The following DIAPH1 variants were observed in gnomAD, a reference collection of about 807,000 sequenced individuals.
DIAPH1 encodes the protein diaphanous related formin 1.
A neutral mutation model predicts 140.7 loss-of-function variants in DIAPH1; 46 were observed. The ratio of observed to expected loss-of-function variants is 0.33; its 90% CI spans 0.26 to 0.42. The LOEUF (loss-of-function observed/expected upper bound fraction) is 0.42. Among genes scored for constraint, DIAPH1 ranks in the 10% least tolerant of loss-of-function variants. The pLI is 1.00. For synonymous variants in DIAPH1, 565 were observed against 551.6 expected, an observed-to-expected ratio of 1.02 and a Z score of -0.34; for missense variants, 1,310 against 1,558.7, an observed-to-expected ratio of 0.84 and a Z score of 2.69.
intron 27 of DIAPH1, among the ~76,000 whole-genome samples, chr5:141,517,641 C>T (rs1259535551): frequency 1.3e-5 from 2 of 151,792 alleles, no homozygotes; most frequent in African/African-American, 4.8e-5. Context: ...TGCCAAGGGC[C>T]CTACAAGGTG....
chr5:141,556,986 C>A (rs991683725), intron 18 of DIAPH1, among the ~76,000 whole-genome samples: 1 of 152,100 alleles, frequency 6.6e-6, no homozygotes, highest in African/African-American at 2.4e-5. Context: ...TGAGTCACCG[C>A]GCCTGGCAGA....
rs944612985 is a variant in DIAPH1, at chr5:141,565,760, A to G, written c.2482+5668T>C. ...GCTTCAAATATGAGTGCCTGGCAGT[A>G]TCAAGGGCCAAGCAACTTCACAAAT... On this transcript the variant is annotated intron_variant, in intron 18 of 27. Coordinates refer to ENST00000389054, the MANE Select transcript of DIAPH1 (RefSeq NM_005219.5). This position sits in a 1 kb window ranked among gnomAD's most constrained non-coding sequence, Gnocchi z 4.3. Among the ~76,000 whole-genome samples, 1 of 152,218 alleles carries G rather than the reference A, an allele frequency of 6.6e-6. No homozygotes were observed. Among genetic ancestry groups the G allele is most frequent in the Non-Finnish European group, 1.5e-5 (1 of 68,048 alleles).
chr5:141,561,160 A>AAC (rs2099893468), intron 18 of DIAPH1, among the ~76,000 whole-genome samples: 1 of 152,166 alleles, frequency 6.6e-6, no homozygotes, highest in Admixed American at 6.5e-5. Flanking sequence ...AAGAAATGCA[A>AAC]ACACACACAC....
intron 12 of DIAPH1, among the ~76,000 whole-genome samples, chr5:141,577,149 A>C (rs1460460264): frequency 6.6e-6 from 1 of 152,200 alleles, no homozygotes; most frequent in East Asian, 1.9e-4. Context: ...TGTGATGGAT[A>C]GTGCTATTGC....
intron 24 of DIAPH1, 66 bp downstream of exon 24, chr5:141,527,507 T>A: frequency 6.4e-7 from 1 of 1,571,130 alleles, no homozygotes; most frequent in Non-Finnish European, 8.7e-7. Flanking sequence ...ATCCTGTTTT[T>A]CCCCCACTAC....
chr5:141,596,015 T>C (rs1486991439), intron 1 of DIAPH1, among the ~76,000 whole-genome samples: 1 of 152,042 alleles, frequency 6.6e-6, no homozygotes, highest in African/African-American at 2.4e-5. Context: ...AAAACCTGCC[T>C]CTACAAAAAT....
At chr5:141,522,493 T>C (rs756541708) in intron 27 of DIAPH1, among the ~76,000 whole-genome samples, 1 of 148,634 alleles carries the variant, frequency 6.7e-6, no homozygotes, top group Non-Finnish European at 1.5e-5. Flanking sequence ...AGGAAGCATC[T>C]GGGATTCTAG....
At chr5:141,581,139 AATTTGG>A (rs555784948) in intron 7 of DIAPH1, among the ~76,000 whole-genome samples, 3 of 152,168 alleles carry the variant, frequency 2.0e-5, no homozygotes, top group Admixed American at 2.0e-4. Flanking sequence ...AAAAAGAGGA[AATTTGG>A]ATATGGATAC....
chr5:141,573,751 A>T lies in DIAPH1; in HGVS notation c.2099T>A (p.Ile700Asn), dbSNP rs199830182. The T allele has an allele frequency of 8.9e-5, 113 of 1,276,084 alleles. 1 individual carries two copies. In the East Asian group the frequency reaches 5.1e-3, roughly 57 times the overall value. 79.0% of individuals were successfully genotyped at this position (1,276,084 alleles called of 1,614,324 possible). A position where few individuals can be genotyped will look rare whatever the true frequency, so the allele number is the denominator to read the frequency against. The change falls in exon 16 of 28, where the codon ATT (isoleucine) becomes AAT (asparagine). Residue 700 changes from isoleucine (I) to asparagine (N), a missense_variant. Ile to Asn is a moderately radical substitution (Grantham distance 149, BLOSUM62 -3). This residue lies in a region of DIAPH1 where 589 missense variants were observed against 549.3 expected (regional missense o/e 1.07). Transcript: ENST00000389054. Reference protein sequence around the residue: ...PPPPLPGSAGIPPPPPPLPGE... With the variant: ...PPPPLPGSAGNPPPPPPLPGE... ...AGGCAAGGGAGGAGGTGGGGGGGGA[A>T]TTCCAGCACTCCCAGGCAAAGGAGG...
Position 141,618,976 on chromosome 5 carries a change from C to T in DIAPH1, c.-62G>A. ...GCCGCTCCCGCCTGGCAGCTCCGCG[C>T]CCGCCGCCGCCCAGTCGCTCTTTAG... On this transcript the variant is annotated 5_prime_UTR_variant, in exon 1 of 28. Transcript: ENST00000389054. The T allele has an allele frequency of 1.1e-6, 1 of 897,700 alleles. No individual in the cohort carries two copies. Among genetic ancestry groups the T allele is most frequent in the Non-Finnish European group, 1.5e-6 (1 of 647,366 alleles). The allele number at this position is 897,700 out of a possible 1,614,324, so 55.6% of individuals were successfully genotyped here.
At chr5:141,572,355 C>G (rs1214150856) in intron 16 of DIAPH1, among the ~76,000 whole-genome samples, 6 of 152,164 alleles carry the variant, frequency 3.9e-5, no homozygotes, top group Non-Finnish European at 7.3e-5. Flanking sequence ...AAATTTCTCC[C>G]ACCAGTTTGG....
chr5:141,517,174 A>G (rs531133960), intron 27 of DIAPH1, among the ~76,000 whole-genome samples, 166 bp from the exon 28 acceptor site: 2 of 152,208 alleles, frequency 1.3e-5, no homozygotes, highest in Non-Finnish European at 2.9e-5. Flanking sequence ...TGTGGAATAT[A>G]TTGTTGGGTG....
chr5:141,566,028 C>T (rs1249099885), intron 18 of DIAPH1, among the ~76,000 whole-genome samples: 1 of 151,998 alleles, frequency 6.6e-6, no homozygotes. Context: ...AAAACCCAAG[C>T]GAATGATTAT....
chr5:141,611,634 G>A (rs1438276336), intron 1 of DIAPH1, among the ~76,000 whole-genome samples: 1 of 152,042 alleles, frequency 6.6e-6, no homozygotes, highest in East Asian at 1.9e-4. Flanking sequence ...AGGAAGGAAG[G>A]AAAAATCATG....
chr5:141,588,301 AC>A (rs2099897854), intron 1 of DIAPH1, 51 bp from the exon 2 acceptor site: 2 of 1,434,062 alleles, frequency 1.4e-6, no homozygotes, highest in East Asian at 4.5e-5. Context: ...TCAGTGAAGT[AC>A]AAGGAAACCT....
At chr5:141,531,299 T>TTCTCTC (rs543349611) in intron 19 of DIAPH1, among the ~76,000 whole-genome samples, 1 of 151,166 alleles carries the variant, frequency 6.6e-6, no homozygotes, top group African/African-American at 2.4e-5. Context: ...TAATTTTACC[T>TTCTCTC]TCTCTCTCTC....
chr5:141,594,323 A>G (rs1596399133), intron 1 of DIAPH1, among the ~76,000 whole-genome samples: 2 of 152,254 alleles, frequency 1.3e-5, no homozygotes, highest in East Asian at 3.8e-4. Flanking sequence ...CTTGAAAGCA[A>G]CAAAGACATC....
intron 18 of DIAPH1, among the ~76,000 whole-genome samples, chr5:141,561,086 A>C (rs1377617067): frequency 6.6e-6 from 1 of 151,952 alleles, no homozygotes; most frequent in Non-Finnish European, 1.5e-5. Context: ...CGAAAAGAAA[A>C]ATGCAAGCAG....
intron 18 of DIAPH1, among the ~76,000 whole-genome samples, chr5:141,537,032 G>C (rs1203270858): frequency 6.6e-6 from 1 of 152,054 alleles, no homozygotes; most frequent in Non-Finnish European, 1.5e-5. Context: ...GCTGGGCATG[G>C]TGGCACATGC....
Sources: allele counts gnomAD v4.1 joint callset (sites outside exome capture counted in the v4.1 genomes callset), GRCh38; gene constraint gnomAD v4.1.1; regional missense constraint gnomAD v4.1.1; non-coding constraint Gnocchi (gnomAD v3.1); transcripts MANE v1.5; gene names NCBI Gene and HGNC (gene_info 2026-07-23, HGNC 2026-07-21).